EP400: variants seen among roughly 807,000 people sequenced by gnomAD.
EP400 encodes E1A binding protein p400.
In EP400, 105 loss-of-function variants were observed where a neutral mutation model predicts 354.1. The observed-to-expected ratio is 0.30, with a 90% CI of 0.25 to 0.35. The LOEUF is 0.35. EP400 is among the 10% of genes least tolerant of loss of function. The pLI is 1.00. For synonymous variants in EP400, 1,646 were observed against 1,716.9 expected (o/e 0.96, Z 1.02); for missense variants, 3,280 against 4,121.0 (o/e 0.80, Z 5.59).
intron 41 of EP400, among the ~76,000 whole-genome samples, chr12:132,051,907 T>C (rs1280982813): frequency 1.3e-5 from 2 of 152,134 alleles, no homozygotes; most frequent in East Asian, 3.9e-4. Flanking sequence ...TGGCAGTGGG[T>C]GTCTTCCCAG....
At position 132,050,520 on chromosome 12, in the gene EP400, G is replaced by T. The variant is rs918538523; in HGVS notation, c.7337+61G>T. The T allele has an allele frequency of 3.6e-5, 58 of 1,612,896 alleles. No individual in the cohort carries two copies. In the Middle Eastern group the frequency reaches 2.6e-3, roughly 73 times the overall value. ...GACTGAGTAGATTGCGTGAAGCTTG[G>T]TTTTGATGTGTTTTTAACATACCCT... On this transcript the variant is annotated intron_variant, in intron 40 of 52. Transcript: ENST00000389561. The surrounding 1 kb of genome is among the most constrained non-coding windows in gnomAD (Gnocchi z 4.8).
At chr12:131,991,604 A>T in intron 10 of EP400, 148 bp downstream of exon 10, 1 of 730,646 alleles carries the variant, frequency 1.4e-6, no homozygotes, top group African/African-American at 1.9e-5. Context: ...TTTTAGAGAC[A>T]GAGTCTTGCT....
rs550357724 is a variant in EP400 at position 132,017,850 on chromosome 12, A to C, written c.4110+129A>C. 1.9e-6 allele frequency: 2 copies of C among 1,056,568 alleles called. No homozygotes were observed. Among genetic ancestry groups the C allele is most frequent in the African/African-American group, 3.3e-5 (2 of 61,432 alleles). The allele number at this position is 1,056,568 out of a possible 1,614,324, so 65.4% of individuals were successfully genotyped here. A position where few individuals can be genotyped will look rare whatever the true frequency, so the allele number is the denominator to read the frequency against. Reference sequence around the variant, plus strand: ...AATTGCAATTGCAGCTCCGCGATACATGGCACCGTCTAGCAGCACTGATGG... The same window carrying C: ...AATTGCAATTGCAGCTCCGCGATACCTGGCACCGTCTAGCAGCACTGATGG... On this transcript the variant is annotated intron_variant, in intron 20 of 52. Transcript: ENST00000389561. This position sits in a 1 kb window ranked among gnomAD's most constrained non-coding sequence, Gnocchi z 5.0.
rs117580112 is a variant in EP400 at position 132,021,447 on chromosome 12, T to C, written c.4690+126T>C. The C allele has an allele frequency of 8.7e-3, 11,639 of 1,331,866 alleles. 302 individuals are homozygous for C. The highest frequency in any genetic ancestry group is 0.081 in the South Asian group (5,117 of 62,910). The allele number at this position is 1,331,866 out of a possible 1,614,324, so 82.5% of individuals were successfully genotyped here. Reference sequence around the variant, plus strand: ...TGTCTTTCCCCAGCCCCATGCCCGGTGCTGCCTCTCACCAGTGCAGCTGCC... The same window carrying C: ...TGTCTTTCCCCAGCCCCATGCCCGGCGCTGCCTCTCACCAGTGCAGCTGCC... On this transcript the variant is annotated intron_variant, in intron 23 of 52. Transcript: ENST00000389561.
intron 37 of EP400, 152 bp downstream of exon 37, chr12:132,045,105 G>A: frequency 7.4e-7 from 1 of 1,351,098 alleles, no homozygotes. Flanking sequence ...CTCAGGCCAT[G>A]TGCACAGGTT....
In EP400 at chr12:132,066,904, T is replaced by C; in HGVS notation, c.8684T>C (p.Val2895Ala). The change falls in exon 49 of 53, where the codon GTC becomes GCC. Residue 2895 changes from valine to alanine, a missense_variant. Coordinates refer to ENST00000389561, the MANE Select transcript of EP400 (RefSeq NM_015409.5). ...VPAAVVSSPGVTTLPMNVAGI... is the reference protein window; with the variant it reads ...VPAAVVSSPGATTLPMNVAGI... ...GCAGCTGTGGTCTCCTCACCGGGAG[T>C]CACCACCCTGCCCATGAACGTCGCG... is the stretch of plus-strand genomic sequence containing the variant. 1.2e-6 allele frequency: 2 copies of C among 1,611,772 alleles called. No individual in the cohort carries two copies. The highest frequency in any genetic ancestry group is 1.7e-6 in the Non-Finnish European group (2 of 1,179,238).
At chr12:132,048,071 T>C (rs533495684) in intron 39 of EP400, among the ~76,000 whole-genome samples, 3 of 152,372 alleles carry the variant, frequency 2.0e-5, no homozygotes, top group Admixed American at 6.5e-5. Context: ...ATTGCTGTTA[T>C]TCTGTTCTTT....
At chr12:131,956,563 A>AG (rs1162320373) in intron 1 of EP400, among the ~76,000 whole-genome samples, 4 of 152,168 alleles carry the variant, frequency 2.6e-5, no homozygotes, top group Non-Finnish European at 5.9e-5. Context: ...TAGGGTTACT[A>AG]GGCCAAAGGT....
In EP400 at chr12:132,006,354, ATAGCT is replaced by A. The variant is rs1235754095; in HGVS notation, c.3126+57_3126+61del. On this transcript the variant is annotated intron_variant, in intron 14 of 52. Transcript: ENST00000389561. The stretch of plus-strand genomic sequence containing the variant: ...GATGGGCCTTTGAGAGACAGAGCAC[ATAGCT>A]TAGCCATGAGAAAAGCTTTTCCTCT... 5.7e-6 allele frequency: 9 copies of A among 1,578,788 alleles called. No individual in the cohort carries two copies. In the African/African-American group the frequency reaches 1.1e-4, roughly 19 times the overall value.
At chr12:132,012,208 T>C (rs573774824) in intron 16 of EP400, among the ~76,000 whole-genome samples, 4 of 152,314 alleles carry the variant, frequency 2.6e-5, no homozygotes, top group Admixed American at 2.6e-4. Context: ...AAAGTGAGCT[T>C]TCAGTAGTAT....
chr12:132,030,242 C>T (rs1240374439), intron 29 of EP400, 84 bp downstream of exon 29: 7 of 1,469,930 alleles, frequency 4.8e-6, no homozygotes, highest in African/African-American at 1.4e-5. Context: ...TCAGTGGTCT[C>T]ATGGCCCTTC....
In EP400 at chr12:131,966,053, A is replaced by AG. The variant is rs1367671976; in HGVS notation, c.1335+4100dup. Among the ~76,000 whole-genome samples the AG allele has an allele frequency of 2.6e-5, 4 of 151,748 alleles. No homozygotes were observed. In the East Asian group the frequency reaches 7.7e-4, roughly 29 times the overall value. On this transcript the variant is annotated intron_variant, in intron 2 of 52. Transcript: ENST00000389561. ...TGGCTGATTTCAAAAAAAAAAAAAA[A>AG]GAAAAACTAGGAATCAGATTTCTGG... is the stretch of plus-strand genomic sequence containing the variant.
At position 132,052,420 on chromosome 12, in the gene EP400, C is replaced by A. The variant is rs1026055405; in HGVS notation, c.7395-726C>A. Among the ~76,000 whole-genome samples the A allele has an allele frequency of 2.6e-5, 4 of 152,236 alleles. No individual in the cohort carries two copies. The highest frequency in any genetic ancestry group is 5.9e-5 in the Non-Finnish European group (4 of 68,042). ...GAGTCGCCTGGCCCTGGCTTTCAGC[C>A]CCTTGGTGCTCCCTGAGTGTGCTGG... On this transcript the variant is annotated intron_variant, in intron 41 of 52. Coordinates refer to ENST00000389561, the MANE Select transcript of EP400 (RefSeq NM_015409.5). The surrounding 1 kb of genome is among the most constrained non-coding windows in gnomAD (Gnocchi z 4.4).
chr12:131,982,176 C>T lies in EP400; in HGVS notation c.1627C>T (p.Pro543Ser). Residue 543 changes from proline (P) to serine (S), a missense_variant, in exon 5 of 53, where the codon CCC becomes TCC. Pro to Ser is a moderately conservative substitution (Grantham distance 74, BLOSUM62 -1). Transcript: ENST00000389561. ...GCAGTATGACCCCTCCACGGGGCCT[C>T]CCGTGCAGAACGCTGCCAGCTTGCA... is the stretch of plus-strand genomic sequence containing the variant. ...QQQYDPSTGP[P>S]VQNAASLHTP... 1 of 1,612,012 alleles carries T rather than the reference C, an allele frequency of 6.2e-7. No homozygotes were observed. The highest frequency in any genetic ancestry group is 8.5e-7 in the Non-Finnish European group (1 of 1,178,804).
chr12:131,969,621 C>T (rs1219166527), intron 2 of EP400, among the ~76,000 whole-genome samples: 1 of 151,998 alleles, frequency 6.6e-6, no homozygotes, highest in African/African-American at 2.4e-5. Flanking sequence ...GAAAGTGCAC[C>T]TTGTATATAT....
At position 132,054,684 on chromosome 12, in the gene EP400, A is replaced by G. The variant is rs571684360; in HGVS notation, c.7729-290A>G. Among the ~76,000 whole-genome samples the G allele has an allele frequency of 9.5e-4, 144 of 152,076 alleles. No homozygotes were observed. Among genetic ancestry groups the G allele is most frequent in the Non-Finnish European group, 1.8e-3 (122 of 67,944 alleles). On this transcript the variant is annotated intron_variant, in intron 43 of 52. Transcript: ENST00000389561. This position sits in a 1 kb window ranked among gnomAD's most constrained non-coding sequence, Gnocchi z 4.0. ...TCAGGTGGTGAGGGACAGAGGGTGG[A>G]TGAATGGAGTGGAGGGACGGAGGAG... is the stretch of plus-strand genomic sequence containing the variant.
chr12:132,006,955 G>A, intron 15 of EP400, 78 bp downstream of exon 15: 3 of 1,522,550 alleles, frequency 2.0e-6, no homozygotes, highest in Non-Finnish European at 2.7e-6. Flanking sequence ...ATGGGAGTGT[G>A]GGGACTTGGC....
At chr12:132,076,068 A>T (rs889895868) in intron 51 of EP400, 8 of 219,580 alleles carry the variant, frequency 3.6e-5, no homozygotes, top group Middle Eastern at 1.9e-3. Context: ...TACCAGCCTC[A>T]AAACCTTGGT....
intron 2 of EP400, among the ~76,000 whole-genome samples, chr12:131,965,134 G>A (rs1178036365): frequency 6.6e-6 from 1 of 152,186 alleles, no homozygotes; most frequent in East Asian, 1.9e-4. Context: ...TGATATGTCC[G>A]TTTCAATGTG....
Sources: gnomAD v4.1 joint callset for allele counts (sites outside exome capture counted in the v4.1 genomes callset) on GRCh38, gnomAD v4.1.1 for gene constraint, Gnocchi (gnomAD v3.1) non-coding constraint, MANE v1.5 for transcripts, NCBI Gene and HGNC (gene_info 2026-07-23, HGNC 2026-07-21) for gene names.